The following FGGY variants were observed in gnomAD, a reference collection of about 807,000 sequenced individuals.
FGGY encodes FGGY carbohydrate kinase domain-containing protein.
FGGY carries 72 observed loss-of-function variants against 71.3 expected under a neutral mutation model. That is an observed-to-expected ratio of 1.01 (90% CI 0.84 to 1.23). FGGY has a LOEUF of 1.23. Ranked by LOEUF, FGGY falls within the 50% of genes most tolerant of loss-of-function variation. The probability of loss-of-function intolerance (pLI) is 0.00; values close to 1 mark genes in which losing one functional copy is unlikely to be tolerated. For synonymous variants in FGGY, 251 were observed against 250.3 expected, an observed-to-expected ratio of 1.00 and a Z score of -0.02; for missense variants, 668 against 682.3, an observed-to-expected ratio of 0.98 and a Z score of 0.23.
chr1:59,399,659 ATAT>A (rs55721326), intron 5 of FGGY, among the ~76,000 whole-genome samples: 1,614 of 152,316 alleles, frequency 0.011, 11 homozygotes, highest in Non-Finnish European at 0.018. Flanking sequence ...ATATACAATG[ATAT>A]TATCCTCTCC....
chr1:59,550,730 CT>C (rs2153700905), intron 7 of FGGY, among the ~76,000 whole-genome samples: 1 of 152,314 alleles, frequency 6.6e-6, no homozygotes, highest in East Asian at 1.9e-4. Flanking sequence ...ATGGCTCTCA[CT>C]GAGTTTCATG....
intron 8 of FGGY, among the ~76,000 whole-genome samples, chr1:59,554,660 A>G (rs1263831939): frequency 1.3e-5 from 2 of 152,202 alleles, no homozygotes; most frequent in South Asian, 2.1e-4. Context: ...CTGATGATCT[A>G]TAGAATTAGC....
At chr1:59,523,198 G>A (rs1382978211) in intron 7 of FGGY, among the ~76,000 whole-genome samples, 2 of 152,184 alleles carry the variant, frequency 1.3e-5, no homozygotes, top group Non-Finnish European at 1.5e-5. Context: ...GTGTTTGGGG[G>A]CCCAGAGTCT....
rs201865423 is a variant in FGGY at position 59,643,368 on chromosome 1, AT to A, written c.1221+5000del. Among the ~76,000 whole-genome samples the A allele has an allele frequency of 3.5e-3, 539 of 152,090 alleles. 4 individuals are homozygous for A. Among genetic ancestry groups the A allele is most frequent in the African/African-American group, 0.012 (515 of 41,492 alleles). On this transcript the variant is annotated intron_variant, in intron 11 of 15. Coordinates refer to ENST00000303721, the MANE Select transcript of FGGY (RefSeq NM_018291.5). ...AGCATGCCCAGCTAATTTTTAAAAT[AT>A]TTTTTTGTAGAGATGGGGTCTCACT...
At chr1:59,724,652 CG>C (rs1365075977) in intron 14 of FGGY, among the ~76,000 whole-genome samples, 1 of 151,950 alleles carries the variant, frequency 6.6e-6, no homozygotes, top group Non-Finnish European at 1.5e-5. Flanking sequence ...TGGCATTGTT[CG>C]TTTTTTTATT....
At chr1:59,376,335 A>G (rs1389749055) in intron 4 of FGGY, among the ~76,000 whole-genome samples, 1 of 152,218 alleles carries the variant, frequency 6.6e-6, no homozygotes, top group African/African-American at 2.4e-5. Context: ...CAACAACAGT[A>G]ACAGAGAATC....
At chr1:59,369,472 C>T (rs1017325140) in intron 4 of FGGY, among the ~76,000 whole-genome samples, 4 of 152,196 alleles carry the variant, frequency 2.6e-5, no homozygotes, top group Admixed American at 6.5e-5. Flanking sequence ...TAGGCTCCAC[C>T]TCTGGGGGCA....
chr1:59,684,850 A>G (rs1269874363), intron 14 of FGGY, among the ~76,000 whole-genome samples: 1 of 152,206 alleles, frequency 6.6e-6, no homozygotes, highest in Non-Finnish European at 1.5e-5. Flanking sequence ...AACTGACCCC[A>G]TTGAGTTTCT....
chr1:59,618,807 C>G (rs2153832811), intron 9 of FGGY, among the ~76,000 whole-genome samples: 1 of 152,092 alleles, frequency 6.6e-6, no homozygotes, highest in Non-Finnish European at 1.5e-5. Flanking sequence ...CCCTCAGTCT[C>G]TCAGGGGCAT....
intron 5 of FGGY, among the ~76,000 whole-genome samples, chr1:59,426,551 C>T (rs2066401379): frequency 6.6e-6 from 1 of 152,160 alleles, no homozygotes. Flanking sequence ...GTGTATTTGA[C>T]ATTCTTATCC....
chr1:59,311,042 C>T (rs1489917428), intron 1 of FGGY, among the ~76,000 whole-genome samples: 3 of 152,094 alleles, frequency 2.0e-5, no homozygotes, highest in Non-Finnish European at 2.9e-5. Context: ...TAGGATTTAT[C>T]GTGACATCAG....
chr1:59,639,425 T>C (rs180708721), intron 11 of FGGY, among the ~76,000 whole-genome samples: 3 of 152,200 alleles, frequency 2.0e-5, no homozygotes. Flanking sequence ...AAAGGTTATG[T>C]TGATCTGGAG....
intron 7 of FGGY, among the ~76,000 whole-genome samples, chr1:59,548,456 C>A (rs1227411248): frequency 6.6e-6 from 1 of 152,078 alleles, no homozygotes; most frequent in African/African-American, 2.4e-5. Flanking sequence ...GTATTGCTAT[C>A]CAAATTCTTC....
intron 8 of FGGY, among the ~76,000 whole-genome samples, chr1:59,554,868 A>G (rs1182309518): frequency 6.6e-6 from 1 of 152,190 alleles, no homozygotes; most frequent in Non-Finnish European, 1.5e-5. Context: ...ATTTTTATTT[A>G]AAAGTCATTA....
At chr1:59,551,923 G>T (rs912812466) in intron 7 of FGGY, among the ~76,000 whole-genome samples, 2 of 152,004 alleles carry the variant, frequency 1.3e-5, no homozygotes, top group Non-Finnish European at 2.9e-5. Flanking sequence ...TGTCACTCAG[G>T]ATTCACTCAG....
chr1:59,729,962 C>T (rs764738173), intron 14 of FGGY, among the ~76,000 whole-genome samples: 3 of 152,112 alleles, frequency 2.0e-5, no homozygotes, highest in Non-Finnish European at 2.9e-5. Context: ...AAATATTTTA[C>T]AGTGTTTACG....
At chr1:59,694,327 AT>A (rs1286738601) in intron 14 of FGGY, among the ~76,000 whole-genome samples, 2 of 148,970 alleles carry the variant, frequency 1.3e-5, no homozygotes, top group Non-Finnish European at 2.9e-5. Context: ...AAATAAATAA[AT>A]AAATAAAATA....
intron 14 of FGGY, among the ~76,000 whole-genome samples, chr1:59,703,927 T>G (rs973907778): frequency 6.6e-6 from 1 of 152,168 alleles, no homozygotes; most frequent in Non-Finnish European, 1.5e-5. Flanking sequence ...AAATCAAGTC[T>G]TCTGCTTATG....
At chr1:59,354,328 C>T (rs1212632526) in intron 4 of FGGY, among the ~76,000 whole-genome samples, 1 of 152,206 alleles carries the variant, frequency 6.6e-6, no homozygotes, top group African/African-American at 2.4e-5. Flanking sequence ...ATCCACCCAC[C>T]TCGGCCTCCC....
Sources: gnomAD v4.1 joint callset for allele counts (sites outside exome capture counted in the v4.1 genomes callset) on GRCh38, gnomAD v4.1.1 for gene constraint, MANE v1.5 for transcripts, NCBI Gene and HGNC (gene_info 2026-07-23, HGNC 2026-07-21) for gene names.